Variants in ZNF804A observed in about 807,000 individuals in gnomAD.
The protein encoded by ZNF804A is zinc finger protein 804A.
ZNF804A carries 2 observed loss-of-function variants against 16.5 expected under a neutral mutation model. That is an observed-to-expected ratio of 0.12 (90% confidence interval 0.05 to 0.38). The LOEUF is 0.38. Among genes scored for constraint, ZNF804A ranks in the 10% least tolerant of loss-of-function variants. ZNF804A has a pLI of 0.99. For missense variants in ZNF804A, 1,473 were observed against 1,390.7 expected (o/e 1.06, Z -0.94); for synonymous variants, 534 against 489.6 (o/e 1.09, Z -1.20).
At chr2:184,775,922 T>C (rs1388473572) in intron 1 of ZNF804A, among the ~76,000 whole-genome samples, 1 of 151,632 alleles carries the variant, frequency 6.6e-6, no homozygotes, top group Non-Finnish European at 1.5e-5. Flanking sequence ...TATAAAACTC[T>C]AACTACGCTC....
intron 1 of ZNF804A, among the ~76,000 whole-genome samples, chr2:184,608,526 C>A (rs1171985575): frequency 6.6e-6 from 1 of 152,116 alleles, no homozygotes; most frequent in East Asian, 1.9e-4. Context: ...AATGTATGTG[C>A]TCAAATGTGA....
At chr2:184,721,631 T>G (rs1693317357) in intron 1 of ZNF804A, among the ~76,000 whole-genome samples, 1 of 152,104 alleles carries the variant, frequency 6.6e-6, no homozygotes, top group East Asian at 1.9e-4. Flanking sequence ...TATACACTGT[T>G]GGTGGAAATG....
At chr2:184,678,513 A>C (rs1232505557) in intron 1 of ZNF804A, among the ~76,000 whole-genome samples, 2 of 152,182 alleles carry the variant, frequency 1.3e-5, no homozygotes, top group African/African-American at 2.4e-5. Context: ...TGAAAGACAT[A>C]AGAGAACAAG....
intron 1 of ZNF804A, among the ~76,000 whole-genome samples, chr2:184,606,102 T>C (rs1475958376): frequency 6.6e-6 from 1 of 152,212 alleles, no homozygotes; most frequent in African/African-American, 2.4e-5. Context: ...TAAATAGTAT[T>C]AGGAAAATTA....
chr2:184,772,903 T>TACAC (rs60984699), intron 1 of ZNF804A, among the ~76,000 whole-genome samples: 1 of 142,966 alleles, frequency 7.0e-6, no homozygotes, highest in Non-Finnish European at 1.5e-5. Flanking sequence ...TTAAAATACA[T>TACAC]ACACACACAC....
rs201096515 is a variant in ZNF804A, at chr2:184,866,392, C to T, written c.135C>T (p.Thr45=). The part of the protein sequence containing the change: ...KTLDYAEKEN[T]IAKALEDLKA... ...AGGACTATGCTGAGAAGGAAAATAC[C>T]ATAGCAAAAGCTCTGGAAGATCTGA... Residue 45 remains threonine (T), a synonymous_variant, in exon 2 of 4, where the codon ACC becomes ACT. Coordinates refer to ENST00000302277, the MANE Select transcript of ZNF804A (RefSeq NM_194250.2). 6.2e-7 allele frequency: 1 copy of T among 1,612,678 alleles called. No homozygotes were observed. The highest frequency in any genetic ancestry group is 1.3e-5 in the African/African-American group (1 of 74,764).
intron 2 of ZNF804A, among the ~76,000 whole-genome samples, chr2:184,875,857 C>G (rs1442935962): frequency 6.6e-6 from 1 of 151,248 alleles, no homozygotes; most frequent in African/African-American, 2.4e-5. Context: ...AGTAAAGCCA[C>G]AGTTGCGTCT....
chr2:184,883,393 G>A (rs1684839227), intron 2 of ZNF804A, among the ~76,000 whole-genome samples: 1 of 152,170 alleles, frequency 6.6e-6, no homozygotes, highest in East Asian at 1.9e-4. Context: ...ACAAAAGAAT[G>A]AGGAGGAGAG....
intron 1 of ZNF804A, among the ~76,000 whole-genome samples, chr2:184,633,356 G>A (rs1228033464): frequency 6.6e-6 from 1 of 151,904 alleles, no homozygotes; most frequent in African/African-American, 2.4e-5. Context: ...GATTCTTTTG[G>A]GATTTTTTTA....
chr2:184,791,573 G>A (rs1403512291), intron 1 of ZNF804A, among the ~76,000 whole-genome samples: 1 of 151,874 alleles, frequency 6.6e-6, no homozygotes, highest in African/African-American at 2.4e-5. Flanking sequence ...CAGCAAAATT[G>A]AAAGTACAGT....
intron 1 of ZNF804A, among the ~76,000 whole-genome samples, chr2:184,805,180 G>C (rs1405589609): frequency 9.9e-5 from 15 of 152,074 alleles, no homozygotes. Context: ...CTCCTTCTCA[G>C]TTTTAACAGG....
intron 1 of ZNF804A, among the ~76,000 whole-genome samples, chr2:184,712,216 T>G (rs935849305): frequency 6.6e-6 from 1 of 151,784 alleles, no homozygotes; most frequent in Non-Finnish European, 1.5e-5. Flanking sequence ...AGTTAATTCT[T>G]TTTGATGATA....
chr2:184,934,620 TA>T (rs1219733085), intron 3 of ZNF804A, among the ~76,000 whole-genome samples: 1 of 152,078 alleles, frequency 6.6e-6, no homozygotes, highest in Non-Finnish European at 1.5e-5. Flanking sequence ...TGGTAATGAA[TA>T]AAAAATTATA....
At chr2:184,812,839 C>T (rs1465413493) in intron 1 of ZNF804A, among the ~76,000 whole-genome samples, 3 of 152,088 alleles carry the variant, frequency 2.0e-5, no homozygotes, top group Non-Finnish European at 4.4e-5. Flanking sequence ...ATGTAAGCAG[C>T]ATGGGTTTAT....
At chr2:184,790,287 TC>T (rs1447412307) in intron 1 of ZNF804A, among the ~76,000 whole-genome samples, 1 of 151,850 alleles carries the variant, frequency 6.6e-6, no homozygotes, top group African/African-American at 2.4e-5. Context: ...TGGAGAATGT[TC>T]TTTGCAAATA....
Position 184,873,911 on chromosome 2 carries a change from T to G in ZNF804A, c.255+7399T>G, listed in dbSNP as rs1020221536. Among the ~76,000 whole-genome samples, 4 of 152,132 alleles carry G rather than the reference T, an allele frequency of 2.6e-5. No homozygotes were observed. The East Asian group carries it at 7.7e-4, about 29-fold the overall frequency. Reference sequence around the variant, plus strand: ...GATTTAGCAACTCAGGAAAATAATCTTGTAAATTTATATATTAACATATTA... The same window carrying G: ...GATTTAGCAACTCAGGAAAATAATCGTGTAAATTTATATATTAACATATTA... On this transcript the variant is annotated intron_variant, in intron 2 of 3. Coordinates refer to ENST00000302277, the MANE Select transcript of ZNF804A (RefSeq NM_194250.2).
intron 2 of ZNF804A, among the ~76,000 whole-genome samples, chr2:184,922,174 G>C (rs1685538587): frequency 1.3e-5 from 2 of 151,890 alleles, no homozygotes; most frequent in African/African-American, 4.8e-5. Context: ...AGTTTTTTAA[G>C]TTACTGTTCT....
At chr2:184,690,056 G>A (rs748598956) in intron 1 of ZNF804A, among the ~76,000 whole-genome samples, 1 of 151,860 alleles carries the variant, frequency 6.6e-6, no homozygotes, top group Non-Finnish European at 1.5e-5. Context: ...ATTGAGAAAT[G>A]TGTGACTATT....
At chr2:184,692,286 G>A (rs1178448160) in intron 1 of ZNF804A, among the ~76,000 whole-genome samples, 5 of 152,140 alleles carry the variant, frequency 3.3e-5, no homozygotes, top group African/African-American at 9.7e-5. Flanking sequence ...CCTGTCTTCT[G>A]TCATGGTGTG....
Sources: allele counts gnomAD v4.1 joint callset (sites outside exome capture counted in the v4.1 genomes callset), GRCh38; gene constraint gnomAD v4.1.1; transcripts MANE v1.5; gene names NCBI Gene and HGNC (gene_info 2026-07-23, HGNC 2026-07-21).